Variants in MARCHF1 observed in about 807,000 individuals in gnomAD.
MARCHF1 encodes membrane associated ring-CH-type finger 1.
In MARCHF1, 40 loss-of-function variants were observed where a neutral mutation model predicts 54.2. That is an observed-to-expected ratio of 0.74 (90% confidence interval 0.57 to 0.96). MARCHF1 has a LOEUF of 0.96. Among genes scored for constraint, MARCHF1 ranks in the 40% least tolerant of loss-of-function variants. The pLI is 0.00. For missense variants in MARCHF1, 586 were observed against 656.5 expected (o/e 0.89, Z 1.17); for synonymous variants, 236 against 236.3 (o/e 1.00, Z 0.01).
intron 7 of MARCHF1, among the ~76,000 whole-genome samples, chr4:163,608,458 A>G (rs1455500149): frequency 6.6e-6 from 1 of 152,082 alleles, no homozygotes; most frequent in Non-Finnish European, 1.5e-5. Context: ...TGTAAATATT[A>G]AAGATTTTGC....
intron 3 of MARCHF1, among the ~76,000 whole-genome samples, chr4:163,894,281 A>C (rs1244073371): frequency 6.6e-6 from 1 of 152,074 alleles, no homozygotes; most frequent in African/African-American, 2.4e-5. Flanking sequence ...AGCATTTTGC[A>C]CTTTATATTG....
At chr4:164,372,873 C>T (rs1365930277) in intron 1 of MARCHF1, among the ~76,000 whole-genome samples, 1 of 151,948 alleles carries the variant, frequency 6.6e-6, no homozygotes, top group African/African-American at 2.4e-5. Flanking sequence ...TTAATCAATT[C>T]ATTTATTTAT....
chr4:163,566,941 G>GTTC (rs1739663599), intron 8 of MARCHF1, among the ~76,000 whole-genome samples: 1 of 152,052 alleles, frequency 6.6e-6, no homozygotes, highest in African/African-American at 2.4e-5. Context: ...GCTTTACTAC[G>GTTC]TTCTTCTACC....
intron 3 of MARCHF1, among the ~76,000 whole-genome samples, chr4:163,906,604 T>A (rs1751072844): frequency 6.6e-6 from 1 of 151,882 alleles, no homozygotes; most frequent in South Asian, 2.1e-4. Flanking sequence ...CATAAACCTA[T>A]TTATCACCTT....
intron 1 of MARCHF1, among the ~76,000 whole-genome samples, chr4:164,199,905 TCTAA>T (rs556179925): frequency 1.2e-3 from 188 of 152,296 alleles, no homozygotes; most frequent in Non-Finnish European, 2.3e-3. Flanking sequence ...GCACAGTACT[TCTAA>T]CTGTGTGCTC....
intron 3 of MARCHF1, among the ~76,000 whole-genome samples, chr4:163,888,858 T>C (rs1027115282): frequency 6.6e-6 from 1 of 152,152 alleles, no homozygotes; most frequent in African/African-American, 2.4e-5. Context: ...AAGCACTGTT[T>C]TGCTGTTGTT....
intron 2 of MARCHF1, among the ~76,000 whole-genome samples, chr4:164,083,180 G>A (rs1328968630): frequency 6.6e-6 from 1 of 152,104 alleles, no homozygotes; most frequent in Non-Finnish European, 1.5e-5. Context: ...AAACTGAAAA[G>A]GAGCTCAGAT....
intron 1 of MARCHF1, among the ~76,000 whole-genome samples, chr4:164,303,513 A>G (rs1012362201): frequency 2.6e-5 from 4 of 152,216 alleles, no homozygotes; most frequent in African/African-American, 9.6e-5. Context: ...CACAGGATTA[A>G]ATAAGGAATG....
chr4:163,653,324 G>T (rs888063406), intron 5 of MARCHF1, among the ~76,000 whole-genome samples: 3 of 151,776 alleles, frequency 2.0e-5, no homozygotes, highest in Non-Finnish European at 4.4e-5. Context: ...GCCAGGTTAT[G>T]TATATCTTGT....
At chr4:163,556,426 T>G (rs1422459317) in intron 8 of MARCHF1, among the ~76,000 whole-genome samples, 1 of 152,202 alleles carries the variant, frequency 6.6e-6, no homozygotes, top group Non-Finnish European at 1.5e-5. Flanking sequence ...CTACCCACAG[T>G]AAGCTCATCT....
intron 4 of MARCHF1, among the ~76,000 whole-genome samples, chr4:163,765,367 G>A (rs1372662895): frequency 1.3e-5 from 2 of 152,032 alleles, no homozygotes; most frequent in Non-Finnish European, 2.9e-5. Context: ...AACTACTCAT[G>A]ACCAAATAAC....
At chr4:164,292,652 C>T (rs147452295) in intron 1 of MARCHF1, among the ~76,000 whole-genome samples, 1 of 152,070 alleles carries the variant, frequency 6.6e-6, no homozygotes, top group Non-Finnish European at 1.5e-5. Flanking sequence ...ACCACCTGGA[C>T]AATAGCAAAC....
At position 163,589,070 on chromosome 4, in the gene MARCHF1, G is replaced by GAGAA. The variant is rs1553994760; in HGVS notation, c.1011-3142_1011-3141insTTCT. Among the ~76,000 whole-genome samples the GAGAA allele has an allele frequency of 1.6e-3, 204 of 128,058 alleles. 1 individual carries two copies. Among genetic ancestry groups the GAGAA allele is most frequent in the African/African-American group, 5.4e-3 (190 of 35,124 alleles). The allele number at this position is 128,058 out of a possible 152,430, so 84.0% of individuals were successfully genotyped here. A position where few individuals can be genotyped will look rare whatever the true frequency, so the allele number is the denominator to read the frequency against. ...CTTCCATGAACAAAATGTCTTATTT[G>GAGAA]AAAAAAAAAAAAAAAACTGCAGGTA... On this transcript the variant is annotated intron_variant, in intron 7 of 9. Coordinates refer to ENST00000514618, the MANE Select transcript of MARCHF1 (RefSeq NM_001394959.1).
intron 3 of MARCHF1, among the ~76,000 whole-genome samples, chr4:163,894,824 T>TAC (rs1750757345): frequency 1.0e-5 from 1 of 95,946 alleles, no homozygotes; most frequent in Non-Finnish European, 2.3e-5. Context: ...ATGTGATGCA[T>TAC]ATATATATGC....
intron 5 of MARCHF1, among the ~76,000 whole-genome samples, chr4:163,686,363 G>C (rs907625110): frequency 2.5e-4 from 38 of 151,512 alleles, no homozygotes; most frequent in Non-Finnish European, 7.4e-5. Flanking sequence ...TTCTTCATTG[G>C]GGTTCACATG....
Position 164,165,651 on chromosome 4 carries a change from T to C in MARCHF1, c.-322-53989A>G, listed in dbSNP as rs541393036. On this transcript the variant is annotated intron_variant, in intron 1 of 9. Transcript: ENST00000514618. ...GTGCCTGGTGAAGGTAGATTACATA[T>C]TGAAGGCCTCTTGTAGAGCAAAAAC... Among the ~76,000 whole-genome samples, 4 of 152,102 alleles carry C rather than the reference T, an allele frequency of 2.6e-5. No homozygotes were observed. The South Asian group carries it at 8.3e-4, about 32-fold the overall frequency.
chr4:164,272,977 T>C (rs1326117548), intron 1 of MARCHF1, among the ~76,000 whole-genome samples: 1 of 152,046 alleles, frequency 6.6e-6, no homozygotes, highest in Non-Finnish European at 1.5e-5. Context: ...TTCTTAATTA[T>C]AAATATATGT....
chr4:163,582,768 C>A (rs899875024), intron 8 of MARCHF1, among the ~76,000 whole-genome samples: 15 of 150,118 alleles, frequency 1.0e-4, no homozygotes, highest in African/African-American at 3.4e-4. Context: ...TTAAAAACTA[C>A]AAAAAAAAAA....
intron 3 of MARCHF1, among the ~76,000 whole-genome samples, chr4:163,917,008 C>G (rs934936168): frequency 9.9e-5 from 15 of 152,108 alleles, no homozygotes; most frequent in African/African-American, 3.6e-4. Context: ...TCCTATTCAT[C>G]TCCTCCCCAC....
Sources: allele counts gnomAD v4.1 joint callset (sites outside exome capture counted in the v4.1 genomes callset), GRCh38; gene constraint gnomAD v4.1.1; transcripts MANE v1.5; gene names NCBI Gene and HGNC (gene_info 2026-07-23, HGNC 2026-07-21).